Variants in LOXHD1 observed in about 807,000 individuals in gnomAD.
LOXHD1 encodes lipoxygenase homology domain-containing protein 1.
Under a neutral mutation model 248.2 loss-of-function variants are expected in LOXHD1, and 205 were observed. The observed-to-expected ratio is 0.83, with a 90% confidence interval of 0.74 to 0.93. The LOEUF is 0.93. Among genes scored for constraint, LOXHD1 ranks in the 40% least tolerant of loss-of-function variants. The pLI is 0.00. For synonymous variants in LOXHD1, 1,113 were observed against 1,162.8 expected (o/e 0.96, Z 0.87); for missense variants, 2,930 against 2,971.6 (o/e 0.99, Z 0.33).
chr18:46,623,967 C>T (rs1219696623), intron 4 of LOXHD1, among the ~76,000 whole-genome samples: 1 of 152,246 alleles, frequency 6.6e-6, no homozygotes, highest in African/African-American at 2.4e-5. Flanking sequence ...ACTAAGCCCC[C>T]ATCTCATCAA....
intron 23 of LOXHD1, among the ~76,000 whole-genome samples, chr18:46,544,594 A>C (rs1470304723): frequency 6.6e-6 from 1 of 152,226 alleles, no homozygotes; most frequent in Non-Finnish European, 1.5e-5. Context: ...TTAGACCTAC[A>C]ACTCTATAAG....
intron 5 of LOXHD1, among the ~76,000 whole-genome samples, chr18:46,615,211 A>G (rs1242888375): frequency 1.3e-5 from 2 of 152,176 alleles, no homozygotes; most frequent in Non-Finnish European, 2.9e-5. Flanking sequence ...TCATATTGCT[A>G]TGGGACCCCA....
intron 8 of LOXHD1, among the ~76,000 whole-genome samples, chr18:46,600,762 A>G (rs1599040362): frequency 6.6e-6 from 1 of 152,250 alleles, no homozygotes; most frequent in East Asian, 1.9e-4. Flanking sequence ...GTTTAAAAGC[A>G]TCACGAATGT....
intron 8 of LOXHD1, among the ~76,000 whole-genome samples, chr18:46,597,542 GCGCA>G (rs372702677): frequency 0.046 from 2,762 of 60,298 alleles, 68 homozygotes; most frequent in African/African-American, 0.068. Context: ...AGTGGTACAT[GCGCA>G]CACACACACA....
rs548037723 is a variant in LOXHD1, at chr18:46,571,324, G to A, written c.2047+762C>T. Reference sequence around the variant, plus strand: ...CTGTAGAAAAAAAATATAAAAATTAGCCAGGTGTGGTGATGTACACCTATT... The same window carrying A: ...CTGTAGAAAAAAAATATAAAAATTAACCAGGTGTGGTGATGTACACCTATT... On this transcript the variant is annotated intron_variant, in intron 15 of 40. Transcript: ENST00000642948. 2.0e-5 allele frequency among the ~76,000 whole-genome samples: 3 copies of A among 152,118 alleles called. No individual in the cohort carries two copies. In the South Asian group the frequency reaches 6.2e-4, roughly 32 times the overall value.
chr18:46,535,581 T>G (rs11876019), intron 26 of LOXHD1, among the ~76,000 whole-genome samples: 6 of 128,840 alleles, frequency 4.7e-5, no homozygotes, highest in African/African-American at 1.1e-4. Context: ...TGCCTCTGTT[T>G]TTGTTGTTGT....
chr18:46,499,836 A>G (rs1782789143), intron 37 of LOXHD1, among the ~76,000 whole-genome samples: 1 of 152,198 alleles, frequency 6.6e-6, no homozygotes, highest in South Asian at 2.1e-4. Flanking sequence ...GATTCTAGAA[A>G]TTTGCTAGGG....
intron 14 of LOXHD1, among the ~76,000 whole-genome samples, chr18:46,573,669 T>C (rs985893908): frequency 3.9e-5 from 6 of 152,078 alleles, no homozygotes; most frequent in Non-Finnish European, 7.4e-5. Flanking sequence ...TCTCTGCTAA[T>C]AGACCACCCC....
rs1459136471 is a variant in LOXHD1 at position 46,522,246 on chromosome 18, G to T, written c.4940C>A (p.Ala1647Asp). 1.4e-5 allele frequency: 21 copies of T among 1,551,736 alleles called. No homozygotes were observed. The highest frequency in any genetic ancestry group is 3.9e-5 in the Admixed American group (2 of 50,988). Residue 1647 changes from alanine (A) to aspartate (D), a missense_variant, in exon 32 of 41, where the codon GCC becomes GAC. Transcript: ENST00000642948. Reference sequence around the variant, plus strand: ...ATCCTCCCCGATGAGAAAGATGAAGGCTCGGCTGTCAGTGGCCGCGTCCTT... The same window carrying T: ...ATCCTCCCCGATGAGAAAGATGAAGTCTCGGCTGTCAGTGGCCGCGTCCTT... ...KHKDAATDSR[A>D]FIFLIGEDDE...
intron 21 of LOXHD1, among the ~76,000 whole-genome samples, chr18:46,555,540 A>G (rs2037290440): frequency 1.3e-5 from 2 of 152,048 alleles, no homozygotes; most frequent in South Asian, 4.2e-4. Context: ...CACAGAGGGG[A>G]GCCCAACAAG....
chr18:46,579,035 G>C (rs1422739662), intron 13 of LOXHD1, among the ~76,000 whole-genome samples: 9 of 152,238 alleles, frequency 5.9e-5, no homozygotes, highest in Non-Finnish European at 8.8e-5. Context: ...CTGTAATGAG[G>C]CTAGCAACAG....
intron 12 of LOXHD1, among the ~76,000 whole-genome samples, chr18:46,583,198 T>C (rs1037472691): frequency 6.6e-6 from 1 of 152,100 alleles, no homozygotes; most frequent in Non-Finnish European, 1.5e-5. Context: ...ATATAAAAAG[T>C]GAAAAGATTG....
chr18:46,639,926 C>G, intron 3 of LOXHD1, 126 bp from the exon 4 acceptor site: 3 of 1,175,954 alleles, frequency 2.6e-6, no homozygotes, highest in Non-Finnish European at 3.6e-6. Flanking sequence ...GTTACTTTAT[C>G]TCCTGAACCT....
At position 46,518,399 on chromosome 18, in the gene LOXHD1, G is replaced by A. The variant is rs557282748; in HGVS notation, c.5272-143C>T. On this transcript the variant is annotated intron_variant, in intron 33 of 40. Transcript: ENST00000642948. ...GCCCTTCCTCAAATCAACTGTAAATGCCTGGACAGCAAAAGGCAGCCTTGT... is the reference window on the plus strand; with the variant it reads ...GCCCTTCCTCAAATCAACTGTAAATACCTGGACAGCAAAAGGCAGCCTTGT... 544 of 1,034,864 alleles carry A rather than the reference G, an allele frequency of 5.3e-4. 5 individuals carry two copies. The South Asian group carries it at 9.0e-3, about 17-fold the overall frequency. 64.1% of individuals were successfully genotyped at this position (1,034,864 alleles called of 1,614,324 possible).
intron 7 of LOXHD1, among the ~76,000 whole-genome samples, chr18:46,602,876 C>T (rs1002122852): frequency 6.6e-5 from 10 of 152,136 alleles, no homozygotes; most frequent in African/African-American, 1.9e-4. Flanking sequence ...AGGATATAAG[C>T]AATGCCCAGC....
intron 21 of LOXHD1, among the ~76,000 whole-genome samples, chr18:46,552,114 C>A (rs868588558): frequency 6.6e-6 from 1 of 152,138 alleles, no homozygotes; most frequent in East Asian, 1.9e-4. Context: ...TGAAAAAAAT[C>A]TGGAGATCTG....
intron 37 of LOXHD1, among the ~76,000 whole-genome samples, chr18:46,502,045 G>T (rs2034264499): frequency 6.6e-6 from 1 of 152,170 alleles, no homozygotes; most frequent in South Asian, 2.1e-4. Context: ...TTAAGCAAGG[G>T]ATTCTAGAAA....
At chr18:46,608,415 C>T (rs1027351099) in intron 6 of LOXHD1, among the ~76,000 whole-genome samples, 2 of 152,144 alleles carry the variant, frequency 1.3e-5, no homozygotes, top group African/African-American at 4.8e-5. Context: ...ACCCATGTGA[C>T]CAAGAAGGAA....
intron 4 of LOXHD1, among the ~76,000 whole-genome samples, chr18:46,624,241 G>A (rs1341229369): frequency 6.6e-6 from 1 of 152,230 alleles, no homozygotes; most frequent in African/African-American, 2.4e-5. Context: ...TCCGCTCACT[G>A]AGAGCCAAGA....
Sources: allele counts gnomAD v4.1 joint callset (sites outside exome capture counted in the v4.1 genomes callset), GRCh38; gene constraint gnomAD v4.1.1; transcripts MANE v1.5; gene names NCBI Gene and HGNC (gene_info 2026-07-23, HGNC 2026-07-21).